RHOU: variants seen among roughly 807,000 people sequenced by gnomAD.
RHOU encodes rho-related GTP-binding protein RhoU.
RHOU carries 8 observed loss-of-function variants against 12.6 expected under a neutral mutation model. That is an observed-to-expected ratio of 0.64 (90% CI 0.37 to 1.15). The LOEUF is 1.15. Ranked by LOEUF, RHOU falls within the 50% of genes most tolerant of loss-of-function variation. RHOU has a pLI of 0.01. For missense variants in RHOU, 258 were observed against 347.0 expected (o/e 0.74, Z 2.04); for synonymous variants, 161 against 147.4 (o/e 1.09, Z -0.67).
the RHOU span, among the ~76,000 whole-genome samples, chr1:228,676,269 A>C: frequency 6.6e-6 from 1 of 151,980 alleles, no homozygotes; most frequent in Non-Finnish European, 1.5e-5. Flanking sequence ...CAGTGCCTGA[A>C]CCTTACTCTT....
At chr1:228,676,064 A>G in the RHOU span, among the ~76,000 whole-genome samples, 1 of 152,192 alleles carries the variant, frequency 6.6e-6, no homozygotes, top group Non-Finnish European at 1.5e-5. Context: ...TCTAGAGCCC[A>G]CATAACAAGT....
the RHOU span, among the ~76,000 whole-genome samples, chr1:228,656,671 A>G: frequency 1.7e-4 from 26 of 152,234 alleles, no homozygotes; most frequent in African/African-American, 5.8e-4. Context: ...AACCACAAAA[A>G]GTAGCTATAG....
the RHOU span, among the ~76,000 whole-genome samples, chr1:228,671,859 T>C: frequency 5.3e-5 from 8 of 152,202 alleles, no homozygotes; most frequent in Non-Finnish European, 1.2e-4. Flanking sequence ...TGACTTTATA[T>C]GAATTTATTG....
the RHOU span, among the ~76,000 whole-genome samples, chr1:228,647,308 C>T: frequency 6.6e-6 from 1 of 152,300 alleles, no homozygotes; most frequent in East Asian, 1.9e-4. Context: ...GCTCTTGGTG[C>T]GGTGCAGTGG....
At chr1:228,686,717 C>A in the RHOU span, among the ~76,000 whole-genome samples, 3 of 152,098 alleles carry the variant, frequency 2.0e-5, no homozygotes, top group African/African-American at 7.2e-5. Flanking sequence ...ACTTTTAAAG[C>A]CTTGATAATC....
the RHOU span, among the ~76,000 whole-genome samples, chr1:228,726,478 G>A: frequency 6.6e-5 from 10 of 152,020 alleles, no homozygotes; most frequent in African/African-American, 1.7e-4. Flanking sequence ...CAGCCTGATC[G>A]ACATGGTGAA....
chr1:228,653,824 T>A, the RHOU span, among the ~76,000 whole-genome samples: 1 of 152,226 alleles, frequency 6.6e-6, no homozygotes, highest in Non-Finnish European at 1.5e-5. Context: ...ATGCAAATGA[T>A]TAGGCGAAAT....
the RHOU span, among the ~76,000 whole-genome samples, chr1:228,712,935 T>G: frequency 6.6e-6 from 1 of 151,932 alleles, no homozygotes. Context: ...AGGGTCTGCC[T>G]GACCTAGTCG....
At chr1:228,724,048 T>C in the RHOU span, among the ~76,000 whole-genome samples, 8 of 152,208 alleles carry the variant, frequency 5.3e-5, no homozygotes, top group Non-Finnish European at 8.8e-5. Flanking sequence ...CTGTTTTTTT[T>C]CGTCTCTGTG....
the RHOU span, among the ~76,000 whole-genome samples, chr1:228,700,736 T>C: frequency 1.3e-5 from 2 of 152,320 alleles, no homozygotes; most frequent in East Asian, 3.9e-4. Flanking sequence ...CATAAAAATA[T>C]AACTCAAAGA....
chr1:228,727,047 G>C, the RHOU span, among the ~76,000 whole-genome samples: 3 of 152,054 alleles, frequency 2.0e-5, no homozygotes, highest in Non-Finnish European at 4.4e-5. Flanking sequence ...TATTTTACAG[G>C]TATCTTCTTT....
At chr1:228,688,159 A>T in the RHOU span, among the ~76,000 whole-genome samples, 3,082 of 152,230 alleles carry the variant, frequency 0.02, 105 homozygotes, top group African/African-American at 0.07. Context: ...CTCCATGAAG[A>T]TGAGCTATTG....
In RHOU at chr1:228,737,808, C is replaced by T; in HGVS notation, c.321+77C>T. On this transcript the variant is annotated intron_variant, in intron 2 of 2. Coordinates refer to ENST00000366691, the MANE Select transcript of RHOU (RefSeq NM_021205.6). This position sits in a 1 kb window ranked among gnomAD's most constrained non-coding sequence, Gnocchi z 4.1. ...ATTTCCAAATAACCTTTGATTCCCT[C>T]AGTCAGTAACTGGGTCATTCTAAAG... The T allele has an allele frequency of 6.9e-7, 1 of 1,450,754 alleles. No homozygotes were observed. Among genetic ancestry groups the T allele is most frequent in the South Asian group, 1.2e-5 (1 of 86,726 alleles). 89.9% of individuals were successfully genotyped at this position (1,450,754 alleles called of 1,614,324 possible). A position where few individuals can be genotyped will look rare whatever the true frequency, so the allele number is the denominator to read the frequency against.
the RHOU span, among the ~76,000 whole-genome samples, chr1:228,673,729 G>A: frequency 6.6e-6 from 1 of 152,130 alleles, no homozygotes; most frequent in Non-Finnish European, 1.5e-5. Context: ...TTCCTGTATA[G>A]CATGCACAAT....
chr1:228,713,821 A>C, the RHOU span, among the ~76,000 whole-genome samples: 2 of 152,146 alleles, frequency 1.3e-5, no homozygotes, highest in African/African-American at 4.8e-5. Flanking sequence ...AACTGACCCA[A>C]CTGTGGGATC....
At chr1:228,726,038 T>C in the RHOU span, among the ~76,000 whole-genome samples, 1 of 152,350 alleles carries the variant, frequency 6.6e-6, no homozygotes, top group East Asian at 1.9e-4. Flanking sequence ...TTAAAAACTT[T>C]TAAAAACTTC....
At chr1:228,704,567 C>T in the RHOU span, among the ~76,000 whole-genome samples, 2 of 151,992 alleles carry the variant, frequency 1.3e-5, no homozygotes, top group Non-Finnish European at 2.9e-5. Context: ...AAGCGATCCT[C>T]CTGCCTCAGC....
chr1:228,682,993 T>C, the RHOU span, among the ~76,000 whole-genome samples: 1 of 152,168 alleles, frequency 6.6e-6, no homozygotes, highest in Non-Finnish European at 1.5e-5. Context: ...ATGAGCCCCA[T>C]ACTGTATATC....
At chr1:228,681,446 C>T in the RHOU span, among the ~76,000 whole-genome samples, 1 of 152,010 alleles carries the variant, frequency 6.6e-6, no homozygotes, top group Non-Finnish European at 1.5e-5. Context: ...ATTCACAAGA[C>T]TCAGTGACGA....
Sources: gnomAD v4.1 joint callset for allele counts (sites outside exome capture counted in the v4.1 genomes callset) on GRCh38, gnomAD v4.1.1 for gene constraint, Gnocchi (gnomAD v3.1) non-coding constraint, MANE v1.5 for transcripts, NCBI Gene and HGNC (gene_info 2026-07-23, HGNC 2026-07-21) for gene names.